The following MTMR14 variants were observed in gnomAD, a reference collection of about 807,000 sequenced individuals.
MTMR14 encodes myotubularin related protein 14, also known as phosphatidylinositol-3,5-bisphosphate 3-phosphatase MTMR14.
MTMR14 carries 48 observed loss-of-function variants against 86.3 expected under a neutral mutation model. That is an observed-to-expected ratio of 0.56 (90% CI 0.44 to 0.71). MTMR14 has a LOEUF of 0.71. Among genes scored for constraint, MTMR14 ranks in the 30% least tolerant of loss-of-function variants. The pLI is 0.00. For synonymous variants in MTMR14, 366 were observed against 326.1 expected (o/e 1.12, Z -1.32); for missense variants, 780 against 834.6 (o/e 0.93, Z 0.81).
chr3:9,668,910 C>T (rs1394671500), intron 4 of MTMR14, 116 bp downstream of exon 4: 18 of 1,047,428 alleles, frequency 1.7e-5, no homozygotes, highest in Middle Eastern at 2.8e-4. Context: ...GAGGCCAAGG[C>T]GAGCGGATCC....
At chr3:9,662,467 T>A in intron 3 of MTMR14, 92 bp downstream of exon 3, 1 of 1,041,210 alleles carries the variant, frequency 9.6e-7, no homozygotes, top group Non-Finnish European at 1.5e-6. Flanking sequence ...CCCTCAACAT[T>A]AGTAGCCAAG....
intron 3 of MTMR14, among the ~76,000 whole-genome samples, chr3:9,665,178 A>C (rs1009157783): frequency 6.7e-6 from 1 of 150,246 alleles, no homozygotes; most frequent in African/African-American, 2.4e-5. Context: ...GCTACTCCGG[A>C]GGCTGAGGCA....
chr3:9,666,383 C>T (rs2048257731), intron 3 of MTMR14, among the ~76,000 whole-genome samples: 1 of 149,904 alleles, frequency 6.7e-6, no homozygotes, highest in Non-Finnish European at 1.5e-5. Flanking sequence ...TCTGCCCACT[C>T]TGGCCTCCCA....
chr3:9,683,057 G>A, intron 9 of MTMR14, 121 bp from the exon 10 acceptor site: 1 of 841,726 alleles, frequency 1.2e-6, no homozygotes. Context: ...AAAACCTATG[G>A]TCTGTAACCA....
At chr3:9,668,285 T>G (rs1351639858) in intron 3 of MTMR14, among the ~76,000 whole-genome samples, 1 of 152,208 alleles carries the variant, frequency 6.6e-6, no homozygotes, top group Non-Finnish European at 1.5e-5. Flanking sequence ...AGCTCACCCC[T>G]CATTATATGA....
In MTMR14 at chr3:9,701,632, G is replaced by A; in HGVS notation, c.1770-158G>A. ...TAAGGGAAAACAGGGCCAGATATTT[G>A]GGGCCTGAACCACAAGGATAGCATG... On this transcript the variant is annotated intron_variant, in intron 18 of 18. Coordinates refer to ENST00000296003, the MANE Select transcript of MTMR14 (RefSeq NM_001077525.3). The surrounding 1 kb of genome is among the most constrained non-coding windows in gnomAD (Gnocchi z 4.2). 3 of 837,604 alleles carry A rather than the reference G, an allele frequency of 3.6e-6. No individual in the cohort carries two copies. The highest frequency in any genetic ancestry group is 5.9e-6 in the Non-Finnish European group (3 of 512,464). The allele number at this position is 837,604 out of a possible 1,614,324, so 51.9% of individuals were successfully genotyped here.
Position 9,689,092 on chromosome 3 carries a change from C to T in MTMR14, c.1433+10C>T. The T allele has an allele frequency of 6.2e-7, 1 of 1,608,638 alleles. No homozygotes were observed. Among genetic ancestry groups the T allele is most frequent in the Non-Finnish European group, 8.5e-7 (1 of 1,180,008 alleles). ...CAACTCAGGCAGCTTGGTAAGGGGC[C>T]AGACTTGGACCAAGGTCACTCACAG... is the stretch of plus-strand genomic sequence containing the variant. On this transcript the variant is annotated intron_variant, in intron 16 of 18. Transcript: ENST00000296003.
In MTMR14 at chr3:9,688,926, G is replaced by T; in HGVS notation, c.1295-18G>T. The stretch of plus-strand genomic sequence containing the variant: ...GGGAGAAGGTAACACGCTGACTGAT[G>T]GCACTGGCTTCTTTTAGGACGAAAG... On this transcript the variant is annotated intron_variant, in intron 15 of 18. Coordinates refer to ENST00000296003, the MANE Select transcript of MTMR14 (RefSeq NM_001077525.3). 1 of 1,613,922 alleles carries T rather than the reference G, an allele frequency of 6.2e-7. No individual in the cohort carries two copies.
In MTMR14 at chr3:9,683,210, C is replaced by G. The variant is rs771874569; in HGVS notation, c.930C>G (p.Tyr310Ter). The G allele has an allele frequency of 3.1e-6, 5 of 1,614,072 alleles. No homozygotes were observed. The highest frequency in any genetic ancestry group is 2.7e-5 in the African/African-American group (2 of 74,932). ...ATCTGGTGCAACAAACACAAAACTA[C>G]CTGAAGCTGCTGCTTTCCTTAGTTA... ...CWDLVQQTQN[Y>*]LKLLLSLVNS... is the part of the protein sequence containing the mutation. The change falls in exon 10 of 19, where the codon TAC (tyrosine) becomes TAG (stop). Residue 310 changes from tyrosine (Y) to a stop codon, truncating the protein, a stop_gained. Transcript: ENST00000296003. LOFTEE classifies it high-confidence loss of function.
rs73113525 is a variant in MTMR14 at position 9,701,393 on chromosome 3, T to C, written c.1770-397T>C. Reference sequence around the variant, plus strand: ...CAGCCTGGGCAACATGGTAAAACCCTATCATGGTGGCATGTGCCTGTAGTC... The same window carrying C: ...CAGCCTGGGCAACATGGTAAAACCCCATCATGGTGGCATGTGCCTGTAGTC... On this transcript the variant is annotated intron_variant, in intron 18 of 18. Coordinates refer to ENST00000296003, the MANE Select transcript of MTMR14 (RefSeq NM_001077525.3). The surrounding 1 kb of genome is among the most constrained non-coding windows in gnomAD (Gnocchi z 4.2). 0.072 allele frequency: 22,289 copies of C among 308,766 alleles called. 1,734 individuals are homozygous for C. The highest frequency in any genetic ancestry group is 0.23 in the African/African-American group (10,424 of 45,846). 19.1% of individuals were successfully genotyped at this position (308,766 alleles called of 1,614,324 possible).
At chr3:9,698,257 C>T (rs978677571) in intron 18 of MTMR14, among the ~76,000 whole-genome samples, 8 of 152,242 alleles carry the variant, frequency 5.3e-5, no homozygotes, top group African/African-American at 1.7e-4. Context: ...TGGGTTAGCC[C>T]GAAGCTTTGC....
chr3:9,677,942 T>C lies in MTMR14; in HGVS notation c.823-42T>C. The C allele has an allele frequency of 1.9e-6, 3 of 1,602,388 alleles. No individual in the cohort carries two copies. The highest frequency in any genetic ancestry group is 2.6e-6 in the Non-Finnish European group (3 of 1,170,220). On this transcript the variant is annotated intron_variant, in intron 8 of 18. Coordinates refer to ENST00000296003, the MANE Select transcript of MTMR14 (RefSeq NM_001077525.3). This position sits in a 1 kb window ranked among gnomAD's most constrained non-coding sequence, Gnocchi z 4.2. ...GCTTCCCCATCACCTAAGCCTCCTC[T>C]GGTGGCCAACCCACATCTCACAGGA...
In MTMR14 at chr3:9,690,062, G is replaced by A. The variant is rs772612427; in HGVS notation, c.1532G>A (p.Arg511Lys). ...LPSQQGLAEARSSSSSSSNHS... is the reference protein window; with the variant it reads ...LPSQQGLAEAKSSSSSSSNHS... ...TCCCAGCAGGGGCTGGCGGAAGCCAGGTCTTCCAGCTCCTCTTCCTCAAAC... is the reference window on the plus strand; with the variant it reads ...TCCCAGCAGGGGCTGGCGGAAGCCAAGTCTTCCAGCTCCTCTTCCTCAAAC... The change falls in exon 17 of 19, where the codon AGG (arginine) becomes AAG (lysine). Residue 511 changes from arginine to lysine, a missense_variant. Physicochemically the swap from Arg to Lys is conservative, Grantham distance 26. Coordinates refer to ENST00000296003, the MANE Select transcript of MTMR14 (RefSeq NM_001077525.3). 6.2e-7 allele frequency: 1 copy of A among 1,613,346 alleles called. No individual in the cohort carries two copies. The highest frequency in any genetic ancestry group is 2.2e-5 in the East Asian group (1 of 44,882).
intron 6 of MTMR14, among the ~76,000 whole-genome samples, chr3:9,672,404 T>C (rs1179700534): frequency 1.3e-5 from 2 of 152,126 alleles, no homozygotes; most frequent in African/African-American, 4.8e-5. Flanking sequence ...CACACCCCAC[T>C]AGTTTTTTAT....
At chr3:9,656,178 G>A (rs1032613640) in intron 2 of MTMR14, among the ~76,000 whole-genome samples, 1 of 151,684 alleles carries the variant, frequency 6.6e-6, no homozygotes, top group African/African-American at 2.4e-5. Context: ...CTGGCGACAG[G>A]GTGAGACTCC....
At chr3:9,651,534 C>A (rs2047293077) in intron 1 of MTMR14, among the ~76,000 whole-genome samples, 1 of 152,144 alleles carries the variant, frequency 6.6e-6, no homozygotes, top group African/African-American at 2.4e-5. Context: ...ATTATCTCTC[C>A]AGGCCTTCTG....
chr3:9,649,674 G>C lies in MTMR14; in HGVS notation c.91G>C (p.Glu31Gln). 1 of 1,606,730 alleles carries C rather than the reference G, an allele frequency of 6.2e-7. No homozygotes were observed. The part of the protein sequence containing the change: ...NQPPQELGLG[E>Q]LLEEFSRTQY... ...GCCGCCTCAGGAGCTGGGGCTTGGG[G>C]AGCTGCTGGAGGAGTTCTCCCGGAC... Residue 31 changes from glutamate (E) to glutamine (Q), a missense_variant, in exon 1 of 19, where the codon GAG (glutamate) becomes CAG (glutamine). Coordinates refer to ENST00000296003, the MANE Select transcript of MTMR14 (RefSeq NM_001077525.3).
rs781705846 is a variant in MTMR14, at chr3:9,649,634, C to T, written c.51C>T (p.Ala17=). Residue 17 remains alanine, a synonymous_variant, in exon 1 of 19, where the codon GCC becomes GCT. Coordinates refer to ENST00000296003, the MANE Select transcript of MTMR14 (RefSeq NM_001077525.3). The stretch of plus-strand genomic sequence containing the variant: ...CCGCTGCCTCGGCGGGGTCCTCGGC[C>T]TCTTCAGGCAACCAGCCGCCTCAGG... The part of the protein sequence containing the change: ...AAAAASAGSS[A]SSGNQPPQEL... 6.4e-7 allele frequency: 1 copy of T among 1,567,194 alleles called. No homozygotes were observed. The highest frequency in any genetic ancestry group is 8.6e-7 in the Non-Finnish European group (1 of 1,157,276).
chr3:9,659,294 A>T (rs1266188709), intron 2 of MTMR14, among the ~76,000 whole-genome samples: 2 of 152,212 alleles, frequency 1.3e-5, no homozygotes, highest in Non-Finnish European at 2.9e-5. Context: ...CATACATTAC[A>T]AATGTAAATA....
Sources: allele counts gnomAD v4.1 joint callset (sites outside exome capture counted in the v4.1 genomes callset), GRCh38; gene constraint gnomAD v4.1.1; non-coding constraint Gnocchi (gnomAD v3.1); transcripts MANE v1.5; gene names NCBI Gene and HGNC (gene_info 2026-07-23, HGNC 2026-07-21).